Variants in NTM observed in about 807,000 individuals in gnomAD.
The protein encoded by NTM is neurotrimin.
Under a neutral mutation model 42.1 loss-of-function variants are expected in NTM, and 13 were observed. The observed-to-expected ratio is 0.31, with a 90% confidence interval of 0.20 to 0.49. The LOEUF is 0.49. NTM is among the 20% of genes least tolerant of loss of function. The pLI is 0.99. For missense variants in NTM, 373 were observed against 452.8 expected, an observed-to-expected ratio of 0.82 and a Z score of 1.60; for synonymous variants, 187 against 179.2, an observed-to-expected ratio of 1.04 and a Z score of -0.35.
intron 2 of NTM, among the ~76,000 whole-genome samples, chr11:132,105,981 A>G (rs1169885982): frequency 6.6e-6 from 1 of 152,194 alleles, no homozygotes; most frequent in Non-Finnish European, 1.5e-5. Context: ...CCAGCTCAGC[A>G]AGGGAAGCTT....
At chr11:131,456,085 G>C (rs542529994) in intron 1 of NTM, among the ~76,000 whole-genome samples, 20 of 152,208 alleles carry the variant, frequency 1.3e-4, no homozygotes, top group Non-Finnish European at 2.8e-4. Context: ...CGGTGACCTT[G>C]AGCAGTAGGA....
intron 1 of NTM, among the ~76,000 whole-genome samples, chr11:131,541,658 G>A (rs2053278008): frequency 6.6e-6 from 1 of 152,200 alleles, no homozygotes; most frequent in Admixed American, 6.5e-5. Context: ...AACAAGCAAT[G>A]AGATCTCTGC....
intron 1 of NTM, among the ~76,000 whole-genome samples, chr11:131,437,207 T>C (rs192881623): frequency 2.4e-4 from 37 of 152,338 alleles, no homozygotes; most frequent in African/African-American, 8.7e-4. Context: ...CTTTCAACTA[T>C]GTGGTCAATT....
chr11:131,441,452 A>T (rs188841390), intron 1 of NTM, among the ~76,000 whole-genome samples: 86 of 152,310 alleles, frequency 5.6e-4, no homozygotes, highest in Non-Finnish European at 9.1e-4. Flanking sequence ...AAAAGAAATC[A>T]ATTCACTCTC....
chr11:131,397,877 G>T (rs749429118), intron 1 of NTM, among the ~76,000 whole-genome samples: 1 of 152,172 alleles, frequency 6.6e-6, no homozygotes, highest in Non-Finnish European at 1.5e-5. Context: ...CAGTCCCCAG[G>T]CTGGGCTTTG....
chr11:131,651,669 G>GT (rs1565376753), intron 1 of NTM, among the ~76,000 whole-genome samples: 1 of 151,882 alleles, frequency 6.6e-6, no homozygotes, highest in African/African-American at 2.4e-5. Context: ...GTGAAACCCT[G>GT]TTTTTTACTA....
At chr11:132,054,734 T>C (rs1275509539) in intron 2 of NTM, among the ~76,000 whole-genome samples, 2 of 152,242 alleles carry the variant, frequency 1.3e-5, no homozygotes, top group Non-Finnish European at 2.9e-5. Flanking sequence ...TTGAGATTTA[T>C]AAGCATTATC....
chr11:131,547,125 A>G (rs2054049905), intron 1 of NTM, among the ~76,000 whole-genome samples: 1 of 152,226 alleles, frequency 6.6e-6, no homozygotes, highest in African/African-American at 2.4e-5. Context: ...TATTTCAGCC[A>G]TGACCTACAT....
chr11:132,117,263 A>T (rs1392963637), intron 2 of NTM, among the ~76,000 whole-genome samples: 2 of 152,202 alleles, frequency 1.3e-5, no homozygotes, highest in African/African-American at 4.8e-5. Context: ...ATGTCTCCAT[A>T]AGGGAAGGGA....
rs181612448 is a variant in NTM at position 131,528,310 on chromosome 11, G to A, written c.82+157422G>A. Among the ~76,000 whole-genome samples, 172 of 152,064 alleles carry A rather than the reference G, an allele frequency of 1.1e-3. 1 individual carries two copies. Among genetic ancestry groups the A allele is most frequent in the Non-Finnish European group, 2.1e-3 (145 of 68,012 alleles). On this transcript the variant is annotated intron_variant, in intron 1 of 8. Transcript: ENST00000683400. ...GTGTTTGATCCATTGAGATAGCTCC[G>A]TAATAAAAATAACTGGCATTTATTA...
intron 3 of NTM, among the ~76,000 whole-genome samples, chr11:132,147,208 T>TGAGAGAGA (rs751020746): frequency 7.9e-6 from 1 of 127,104 alleles, no homozygotes; most frequent in Non-Finnish European, 1.8e-5. Context: ...TGTGTGTGTG[T>TGAGAGAGA]GTGTGTGAGA....
At chr11:131,817,072 G>T (rs913225056) in intron 1 of NTM, among the ~76,000 whole-genome samples, 1 of 152,156 alleles carries the variant, frequency 6.6e-6, no homozygotes, top group Middle Eastern at 3.4e-3. Context: ...TAAAACCCAG[G>T]GGGCACATGG....
At chr11:131,393,483 C>T (rs965647408) in intron 1 of NTM, among the ~76,000 whole-genome samples, 7 of 152,200 alleles carry the variant, frequency 4.6e-5, no homozygotes, top group African/African-American at 7.2e-5. Context: ...AGAAGCCACA[C>T]GAAGCAAAAG....
chr11:131,399,366 C>T (rs1386017214), intron 1 of NTM, among the ~76,000 whole-genome samples: 1 of 152,134 alleles, frequency 6.6e-6, no homozygotes, highest in African/African-American at 2.4e-5. Flanking sequence ...GTACAGACTT[C>T]AGGGCTCTAC....
intron 1 of NTM, among the ~76,000 whole-genome samples, chr11:131,484,072 G>A (rs1953901162): frequency 6.6e-6 from 1 of 152,190 alleles, no homozygotes; most frequent in African/African-American, 2.4e-5. Flanking sequence ...CAGGAGGAGG[G>A]ACTGAGTCCC....
chr11:131,789,543 AAGAAAAGAAGAAGAAGAAGAAG>A lies in NTM; in HGVS notation c.83-122019_83-121998del, dbSNP rs2090250077. Among the ~76,000 whole-genome samples the A allele has an allele frequency of 4.0e-4, 10 of 25,292 alleles. 2 individuals are homozygous for A. The highest frequency in any genetic ancestry group is 6.8e-4 in the Non-Finnish European group (10 of 14,700). The allele number at this position is 25,292 out of a possible 152,430, so 16.6% of individuals were successfully genotyped here. On this transcript the variant is annotated intron_variant, in intron 1 of 8. Coordinates refer to ENST00000683400, the MANE Select transcript of NTM (RefSeq NM_001352005.2). ...GAAGAAGAAGAAGAAGAAGAAGAAG[AAGAAAAGAAGAAGAAGAAGAAG>A]AAGAAGAAGAAGAAGAAGAAGAAGA...
At chr11:131,741,825 A>C (rs1410412871) in intron 1 of NTM, among the ~76,000 whole-genome samples, 1 of 152,218 alleles carries the variant, frequency 6.6e-6, no homozygotes, top group Non-Finnish European at 1.5e-5. Flanking sequence ...GAATCAACCT[A>C]AACGTCCATC....
chr11:131,583,088 C>T (rs908176944), intron 1 of NTM, among the ~76,000 whole-genome samples: 5 of 152,222 alleles, frequency 3.3e-5, no homozygotes, highest in Admixed American at 2.6e-4. Context: ...GCATCACTAA[C>T]CTATTTCCAC....
intron 4 of NTM, among the ~76,000 whole-genome samples, chr11:132,241,063 T>C (rs1334738716): frequency 6.6e-6 from 1 of 152,236 alleles, no homozygotes; most frequent in East Asian, 1.9e-4. Context: ...CTTTAGGCTA[T>C]GTGTATAAAG....
Sources: gnomAD v4.1 joint callset for allele counts (sites outside exome capture counted in the v4.1 genomes callset) on GRCh38, gnomAD v4.1.1 for gene constraint, MANE v1.5 for transcripts, NCBI Gene and HGNC (gene_info 2026-07-23, HGNC 2026-07-21) for gene names.